SEMA6D: variants seen among roughly 807,000 people sequenced by gnomAD.
The protein encoded by SEMA6D is semaphorin 6D, also known as semaphorin-6D.
A neutral mutation model predicts 106.6 loss-of-function variants in SEMA6D; 35 were observed. The observed-to-expected ratio is 0.33, with a 90% CI of 0.25 to 0.44. The LOEUF is 0.44. Ranked by LOEUF, SEMA6D falls within the 20% of genes least tolerant of loss-of-function variation. The pLI, the probability that SEMA6D is intolerant of heterozygous loss-of-function variation, is 1.00. For synonymous variants in SEMA6D, 499 were observed against 487.7 expected, an observed-to-expected ratio of 1.02 and a Z score of -0.31; for missense variants, 1,185 against 1,345.9, an observed-to-expected ratio of 0.88 and a Z score of 1.87.
intron 1 of SEMA6D, among the ~76,000 whole-genome samples, chr15:47,357,536 T>G (rs2038634221): frequency 6.6e-6 from 1 of 152,030 alleles, no homozygotes; most frequent in African/African-American, 2.4e-5. Context: ...GTTCCAAAAC[T>G]GAAGAATTTG....
chr15:47,187,612 A>G (rs1893667348), intron 1 of SEMA6D, among the ~76,000 whole-genome samples: 1 of 152,134 alleles, frequency 6.6e-6, no homozygotes, highest in Non-Finnish European at 1.5e-5. Flanking sequence ...ATAGAGATTT[A>G]TTTGTACTAT....
chr15:47,632,156 G>C (rs1339183710), intron 4 of SEMA6D, among the ~76,000 whole-genome samples: 3 of 151,584 alleles, frequency 2.0e-5, no homozygotes, highest in Admixed American at 1.3e-4. Context: ...TTCCATTTTG[G>C]TCAGAGAACA....
At chr15:47,269,272 G>C (rs62014042) in intron 1 of SEMA6D, among the ~76,000 whole-genome samples, 2,612 of 151,754 alleles carry the variant, frequency 0.017, 49 homozygotes, top group African/African-American at 0.02. Flanking sequence ...ATATTTAGGA[G>C]TGTTTATATT....
chr15:47,672,996 A>G (rs1201287543), intron 4 of SEMA6D, among the ~76,000 whole-genome samples: 2 of 152,150 alleles, frequency 1.3e-5, no homozygotes, highest in Non-Finnish European at 2.9e-5. Context: ...TGCCTACGGC[A>G]GAAAGATCCT....
intron 1 of SEMA6D, among the ~76,000 whole-genome samples, chr15:47,725,678 G>C (rs1240626658): frequency 3.3e-5 from 5 of 152,162 alleles, no homozygotes; most frequent in African/African-American, 1.2e-4. Flanking sequence ...CCATGGTTAA[G>C]TTTAATAGTG....
chr15:47,652,601 T>C (rs181433482), intron 4 of SEMA6D, among the ~76,000 whole-genome samples: 3 of 152,300 alleles, frequency 2.0e-5, no homozygotes, highest in Admixed American at 6.5e-5. Flanking sequence ...CAGAAAAGCC[T>C]TGGGGGCATT....
chr15:47,590,319 G>A (rs2076414892), intron 3 of SEMA6D, among the ~76,000 whole-genome samples: 1 of 135,036 alleles, frequency 7.4e-6, no homozygotes, highest in Non-Finnish European at 1.5e-5. Context: ...TCATAGGTGG[G>A]AATTGAGCAA....
chr15:47,578,058 C>T (rs2076187647), intron 3 of SEMA6D, among the ~76,000 whole-genome samples: 2 of 152,112 alleles, frequency 1.3e-5, no homozygotes, highest in Admixed American at 6.5e-5. Flanking sequence ...TCCAGGTAAC[C>T]TTCTGAGATA....
intron 2 of SEMA6D, among the ~76,000 whole-genome samples, chr15:47,425,417 G>C (rs568734494): frequency 1.3e-5 from 2 of 151,998 alleles, no homozygotes; most frequent in Admixed American, 1.3e-4. Flanking sequence ...AGTTCTAAGT[G>C]CTCAGCAAGC....
At chr15:47,560,637 G>A (rs1385624910) in intron 3 of SEMA6D, among the ~76,000 whole-genome samples, 1 of 152,030 alleles carries the variant, frequency 6.6e-6, no homozygotes, top group Non-Finnish European at 1.5e-5. Flanking sequence ...AGTAAAGGGG[G>A]AATATTATGA....
At chr15:47,765,524 A>G (rs1262185546) in intron 13 of SEMA6D, 2 of 858,664 alleles carry the variant, frequency 2.3e-6, no homozygotes, top group South Asian at 1.1e-4. Context: ...AATGGAGCCA[A>G]GGGGACTAAG....
chr15:47,712,005 G>A (rs182316530), intron 4 of SEMA6D, among the ~76,000 whole-genome samples: 218 of 152,282 alleles, frequency 1.4e-3, no homozygotes, highest in Admixed American at 2.4e-3. Flanking sequence ...AACATTTATA[G>A]CTTAACCAAA....
At chr15:47,601,883 T>A (rs1047494384) in intron 4 of SEMA6D, among the ~76,000 whole-genome samples, 1 of 152,200 alleles carries the variant, frequency 6.6e-6, no homozygotes, top group African/African-American at 2.4e-5. Context: ...AGACTGTAAG[T>A]TTCAGATCAT....
chr15:47,479,003 A>G (rs2043076023), intron 3 of SEMA6D, among the ~76,000 whole-genome samples: 1 of 151,942 alleles, frequency 6.6e-6, no homozygotes. Flanking sequence ...CCACCACCCC[A>G]TGATTCAATT....
chr15:47,332,439 T>A (rs1270898298), intron 1 of SEMA6D, among the ~76,000 whole-genome samples: 1 of 152,200 alleles, frequency 6.6e-6, no homozygotes, highest in Non-Finnish European at 1.5e-5. Context: ...TTCAAGGTTT[T>A]CACCTAATTG....
At chr15:47,732,442 C>T (rs886950041) in intron 1 of SEMA6D, among the ~76,000 whole-genome samples, 1 of 152,116 alleles carries the variant, frequency 6.6e-6, no homozygotes, top group African/African-American at 2.4e-5. Flanking sequence ...GAAACCTTTC[C>T]TAGTAACAGA....
In SEMA6D at chr15:47,386,809, G is replaced by A. The variant is rs185340753; in HGVS notation, c.-238-25584G>A. On this transcript the variant is annotated intron_variant, in intron 1 of 19. Coordinates refer to the SEMA6D transcript ENST00000558014. ...AGCCATTTAATAAGCACAGGGGCTA[G>A]AATGGGTTGTTTTAGCCAGAATTAA... is the stretch of plus-strand genomic sequence containing the variant. Among the ~76,000 whole-genome samples the A allele has an allele frequency of 3.8e-4, 58 of 152,358 alleles. 1 individual carries two copies. In the East Asian group the frequency reaches 7.7e-3, roughly 20 times the overall value.
Position 47,721,230 on chromosome 15 carries a change from A to T in SEMA6D, c.-55+3538A>T, listed in dbSNP as rs572013766. Among the ~76,000 whole-genome samples, 26 of 152,346 alleles carry T rather than the reference A, an allele frequency of 1.7e-4. 1 individual carries two copies. The highest frequency in any genetic ancestry group is 7.8e-4 in the Admixed American group (12 of 15,302). ...ATGCTTCTTTCTTTAGAAGTGTATT[A>T]TTTTATTCTAGAGATTTTAAAGCAA... On this transcript the variant is annotated intron_variant, in intron 1 of 18. Transcript: ENST00000536845.
chr15:47,349,351 G>A (rs1199779969), intron 1 of SEMA6D, among the ~76,000 whole-genome samples: 1 of 152,142 alleles, frequency 6.6e-6, no homozygotes, highest in Non-Finnish European at 1.5e-5. Context: ...TGAGGCAGAG[G>A]CACTTTTGTT....
Sources: gnomAD v4.1 joint callset for allele counts (sites outside exome capture counted in the v4.1 genomes callset) on GRCh38, gnomAD v4.1.1 for gene constraint, MANE v1.5 for transcripts, NCBI Gene and HGNC (gene_info 2026-07-23, HGNC 2026-07-21) for gene names.